Variants in PEAK1 observed in about 807,000 individuals in gnomAD.
PEAK1 encodes the protein pseudopodium enriched atypical kinase 1, also known as inactive tyrosine-protein kinase PEAK1.
In PEAK1, 54 loss-of-function variants were observed where a neutral mutation model predicts 124.7. That is an observed-to-expected ratio of 0.43 (90% CI 0.35 to 0.54). The LOEUF is 0.54. PEAK1 is among the 20% of genes least tolerant of loss of function. The probability of loss-of-function intolerance (pLI) is 0.01; values close to 1 mark genes in which losing one functional copy is unlikely to be tolerated. For missense variants in PEAK1, 2,046 were observed against 2,134.5 expected (o/e 0.96, Z 0.82); for synonymous variants, 719 against 760.0 (o/e 0.95, Z 0.89).
At chr15:77,279,807 G>C (rs941311188) in intron 5 of PEAK1, among the ~76,000 whole-genome samples, 8 of 152,140 alleles carry the variant, frequency 5.3e-5, no homozygotes, top group African/African-American at 1.9e-4. Flanking sequence ...ATTTATGGAA[G>C]GTATCTTTAA....
chr15:77,235,343 G>T lies in PEAK1; in HGVS notation c.-115+17024C>A, dbSNP rs192501392. Among the ~76,000 whole-genome samples, 8 of 152,162 alleles carry T rather than the reference G, an allele frequency of 5.3e-5. No homozygotes were observed. The East Asian group carries it at 1.6e-3, about 30-fold the overall frequency. ...AAAGTTTGGAACTTCCTAGAGACTT[G>T]TTAAATGATTTTGACCAAAATGCTG... On this transcript the variant is annotated intron_variant, in intron 6 of 9. Transcript: ENST00000682557.
chr15:77,184,001 T>TG, intron 6 of PEAK1, among the ~76,000 whole-genome samples: 1 of 151,924 alleles, frequency 6.6e-6, no homozygotes, highest in Admixed American at 6.6e-5. Flanking sequence ...CTAATTTTTC[T>TG]ATTTTTTTTA....
In PEAK1 at chr15:77,299,700, A is replaced by G. The variant is rs182222437; in HGVS notation, c.-602-13196T>C. On this transcript the variant is annotated intron_variant, in intron 2 of 9. Coordinates refer to ENST00000682557, the MANE Select transcript of PEAK1 (RefSeq NM_001385026.1). ...TTGGAATTCTCTTTTCTTCCAAATT[A>G]GATTTCAGTTATGCATTTTTGAAAG... 4.1e-4 allele frequency among the ~76,000 whole-genome samples: 62 copies of G among 152,344 alleles called. 2 individuals carry two copies. The East Asian group carries it at 0.012, about 29-fold the overall frequency.
intron 1 of PEAK1, among the ~76,000 whole-genome samples, chr15:77,376,411 C>G (rs1392835850): frequency 2.0e-5 from 3 of 152,100 alleles, no homozygotes; most frequent in African/African-American, 7.2e-5. Flanking sequence ...AGTACCTGCT[C>G]TTGAGGTTCT....
At chr15:77,139,644 C>T (rs912421809) in intron 8 of PEAK1, among the ~76,000 whole-genome samples, 51 of 152,090 alleles carry the variant, frequency 3.4e-4, no homozygotes, top group African/African-American at 1.2e-3. Flanking sequence ...ATATCCATTT[C>T]CCATGCACAC....
intron 1 of PEAK1, among the ~76,000 whole-genome samples, chr15:77,385,250 T>C (rs980693739): frequency 5.9e-5 from 9 of 152,186 alleles, no homozygotes; most frequent in Admixed American, 1.3e-4. Flanking sequence ...ATTTCTGCTA[T>C]AGAATTTTCA....
Position 77,357,618 on chromosome 15 carries a change from T to C in PEAK1, c.-603+7545A>G, listed in dbSNP as rs181487938. Among the ~76,000 whole-genome samples the C allele has an allele frequency of 4.6e-3, 701 of 152,300 alleles. 3 individuals are homozygous for C. The highest frequency in any genetic ancestry group is 0.015 in the African/African-American group (632 of 41,566). ...AAGTAGAACAGTAAATTCTCACAGA[T>C]CAAAATAAACTCCATATATATTGAT... On this transcript the variant is annotated intron_variant, in intron 2 of 9. Coordinates refer to ENST00000682557, the MANE Select transcript of PEAK1 (RefSeq NM_001385026.1).
At chr15:77,416,570 C>T (rs940831853) in intron 1 of PEAK1, among the ~76,000 whole-genome samples, 1 of 152,122 alleles carries the variant, frequency 6.6e-6, no homozygotes, top group Admixed American at 6.6e-5. Context: ...CCACTAAATC[C>T]CCGCAACTTT....
At chr15:77,313,819 T>C (rs1476184973) in intron 2 of PEAK1, among the ~76,000 whole-genome samples, 1 of 151,082 alleles carries the variant, frequency 6.6e-6, no homozygotes, top group Non-Finnish European at 1.5e-5. Context: ...TGACCTCAGA[T>C]TACCCACCCA....
Position 77,114,648 on chromosome 15 carries a change from T to C in PEAK1, c.4749A>G (p.Thr1583=). ...CATCACACTTTTTATACTGGGTAGC[T>C]GTTATGATCTCTGGGGCAAGGCGAG... ...DQSRLAPEII[T]ATQYKKCDEF... is the part of the protein sequence containing the mutation. Residue 1583 remains threonine, a synonymous_variant, in exon 10 of 10, where the codon ACA becomes ACG. Coordinates refer to ENST00000682557, the MANE Select transcript of PEAK1 (RefSeq NM_001385026.1). 6.2e-7 allele frequency: 1 copy of C among 1,613,802 alleles called. No homozygotes were observed. The highest frequency in any genetic ancestry group is 1.1e-5 in the South Asian group (1 of 91,046).
chr15:77,254,141 C>T (rs1006834467), intron 5 of PEAK1, among the ~76,000 whole-genome samples: 5 of 151,932 alleles, frequency 3.3e-5, no homozygotes, highest in African/African-American at 7.3e-5. Context: ...TTTAGTAGTG[C>T]GACTATTATA....
At chr15:77,193,677 G>A (rs1231062343) in intron 6 of PEAK1, among the ~76,000 whole-genome samples, 3 of 152,124 alleles carry the variant, frequency 2.0e-5, no homozygotes, top group Admixed American at 2.0e-4. Context: ...AGTGGTGCGC[G>A]CTTGTAATCC....
intron 2 of PEAK1, among the ~76,000 whole-genome samples, chr15:77,325,115 A>G (rs547470317): frequency 6.6e-6 from 1 of 152,348 alleles, no homozygotes; most frequent in South Asian, 2.1e-4. Context: ...GCTAGAATAC[A>G]TTCTCTCAAA....
rs1033725484 is a variant in PEAK1, at chr15:77,290,120, A to C, written c.-602-3616T>G. Among the ~76,000 whole-genome samples, 6 of 151,986 alleles carry C rather than the reference A, an allele frequency of 3.9e-5. No homozygotes were observed. The East Asian group carries it at 1.2e-3, about 30-fold the overall frequency. ...GTAGCTGGGATTACAGGAGCCTTGC[A>C]TCACACCCAGCTAATTTTGTTTTGA... On this transcript the variant is annotated intron_variant, in intron 2 of 9. Transcript: ENST00000682557.
intron 6 of PEAK1, among the ~76,000 whole-genome samples, chr15:77,199,643 A>AGACTGCGGATATGGCAAAAATAGTGTAGG (rs2058268445): frequency 6.6e-6 from 1 of 152,352 alleles, no homozygotes; most frequent in Admixed American, 6.5e-5. Flanking sequence ...ATCATGACAG[A>AGACTGCGGATATGGCAAAAATAGTGTAGG]GACTGCGGAT....
intron 5 of PEAK1, among the ~76,000 whole-genome samples, chr15:77,282,500 T>C (rs180735881): frequency 6.6e-6 from 1 of 152,264 alleles, no homozygotes; most frequent in Admixed American, 6.5e-5. Context: ...CACAAGGCCA[T>C]CCACGTGTAC....
intron 1 of PEAK1, among the ~76,000 whole-genome samples, chr15:77,393,058 C>T (rs1396452050): frequency 6.6e-6 from 1 of 152,156 alleles, no homozygotes; most frequent in Non-Finnish European, 1.5e-5. Flanking sequence ...AGCTGGTGCC[C>T]ACAGAGGGAG....
chr15:77,219,944 AATTTT>A (rs1309755023), intron 6 of PEAK1, among the ~76,000 whole-genome samples: 5 of 152,130 alleles, frequency 3.3e-5, no homozygotes, highest in African/African-American at 4.8e-5. Flanking sequence ...GTTGTTAAAT[AATTTT>A]ATTTTGACTC....
chr15:77,260,422 T>G (rs2061378824), intron 5 of PEAK1, among the ~76,000 whole-genome samples: 2 of 151,802 alleles, frequency 1.3e-5, no homozygotes, highest in Admixed American at 1.3e-4. Context: ...CAGAAAAATA[T>G]CAATCAATAG....
Sources: allele counts gnomAD v4.1 joint callset (sites outside exome capture counted in the v4.1 genomes callset), GRCh38; gene constraint gnomAD v4.1.1; transcripts MANE v1.5; gene names NCBI Gene and HGNC (gene_info 2026-07-23, HGNC 2026-07-21).